EXOC1: variants seen among roughly 807,000 people sequenced by gnomAD.
The protein encoded by EXOC1 is exocyst complex component 1.
In EXOC1, 67 loss-of-function variants were observed where a neutral mutation model predicts 107.7. The ratio of observed to expected loss-of-function variants is 0.62; its 90% CI spans 0.51 to 0.76. The LOEUF (loss-of-function observed/expected upper bound fraction) is 0.76, where lower values mean the gene tolerates loss of function less well. Ranked by LOEUF, EXOC1 falls within the 30% of genes least tolerant of loss-of-function variation. The pLI, the probability that EXOC1 is intolerant of heterozygous loss-of-function variation, is 0.00. For missense variants in EXOC1, 833 were observed against 1,055.7 expected, an observed-to-expected ratio of 0.79 and a Z score of 2.92; for synonymous variants, 348 against 353.5, an observed-to-expected ratio of 0.98 and a Z score of 0.17.
At chr4:55,871,328 G>A in intron 7 of EXOC1, 95 bp downstream of exon 7, 1 of 1,422,930 alleles carries the variant, frequency 7.0e-7, no homozygotes, top group Non-Finnish European at 9.5e-7. Flanking sequence ...CATGAGACAA[G>A]TGGTTTAAGG....
rs149586673 is a variant in EXOC1, at chr4:55,891,374, A to G, written c.1599A>G (p.Ile533Met). 1.9e-6 allele frequency: 3 copies of G among 1,613,896 alleles called. No individual in the cohort carries two copies. The highest frequency in any genetic ancestry group is 1.3e-5 in the African/African-American group (1 of 74,928). ...TATGTCTGGCAGAACAGGACTTCAT[A>G]AGTAAATTTTTCAAACTACAGCAAC... The part of the protein sequence containing the change: ...EPLCLAEQDF[I>M]SKFFKLQQHQ... The change falls in exon 13 of 19, where the codon ATA becomes ATG. Residue 533 changes from isoleucine to methionine, a missense_variant. Physicochemically the swap from Ile to Met is conservative, Grantham distance 10. Around this residue, in one of 2 missense-constraint regions of EXOC1, gnomAD observed 617 missense variants for 701.3 expected, o/e 0.88. Transcript: ENST00000381295.
At chr4:55,875,721 A>G in intron 8 of EXOC1, 5 of 985,382 alleles carry the variant, frequency 5.1e-6, no homozygotes, top group East Asian at 1.1e-4. Flanking sequence ...CATTTGTATG[A>G]TATAAGTCTG....
intron 3 of EXOC1, among the ~76,000 whole-genome samples, chr4:55,863,239 A>G (rs1721643834): frequency 6.6e-6 from 1 of 152,072 alleles, no homozygotes; most frequent in Admixed American, 6.5e-5. Flanking sequence ...TATTCATTCA[A>G]GGGAGAAATA....
At chr4:55,886,944 C>A (rs901510494) in intron 10 of EXOC1, among the ~76,000 whole-genome samples, 1 of 152,072 alleles carries the variant, frequency 6.6e-6, no homozygotes, top group Non-Finnish European at 1.5e-5. Flanking sequence ...TGCTAACGTA[C>A]CAGGGAAGTA....
intron 4 of EXOC1, among the ~76,000 whole-genome samples, chr4:55,864,642 T>C (rs1721787623): frequency 6.6e-6 from 1 of 152,204 alleles, no homozygotes; most frequent in Admixed American, 6.5e-5. Context: ...CTTTTTCCTA[T>C]GCATAAACAC....
chr4:55,867,827 T>C (rs1722091590), intron 4 of EXOC1, among the ~76,000 whole-genome samples: 1 of 152,212 alleles, frequency 6.6e-6, no homozygotes, highest in South Asian at 2.1e-4. Context: ...TATAGATGCA[T>C]TTTTCATTTT....
In EXOC1 at chr4:55,890,374, C is replaced by A. The variant is rs746109453; in HGVS notation, c.1527C>A (p.Thr509=). 22 of 1,613,524 alleles carry A rather than the reference C, an allele frequency of 1.4e-5. No individual in the cohort carries two copies. In the South Asian group the frequency reaches 2.2e-4, roughly 16 times the overall value. ...CTGATCTCGATGTTGCTGACAGGAC[C>A]AAATTTGATAAGGTAAACTAAAATA... ...SASDLDVADR[T]KFDKIFEQVL... The change falls in exon 12 of 19, where the codon ACC becomes ACA. Residue 509 remains threonine, a synonymous_variant. Transcript: ENST00000381295.
At chr4:55,891,284 T>C in intron 12 of EXOC1, 31 bp from the exon 13 acceptor site, 2 of 1,407,044 alleles carry the variant, frequency 1.4e-6, no homozygotes, top group Non-Finnish European at 2.0e-6. Context: ...GTGCAGTTCT[T>C]TCGTTATAGG....
intron 10 of EXOC1, among the ~76,000 whole-genome samples, chr4:55,884,958 T>C (rs921533482): frequency 1.3e-5 from 2 of 152,218 alleles, no homozygotes; most frequent in Non-Finnish European, 2.9e-5. Context: ...ATGGTTTGAA[T>C]TTGTCTGTAA....
At chr4:55,878,809 C>A (rs1469288961) in intron 9 of EXOC1, among the ~76,000 whole-genome samples, 1 of 152,146 alleles carries the variant, frequency 6.6e-6, no homozygotes, top group African/African-American at 2.4e-5. Context: ...GCAGAAATTT[C>A]CTATTCTAGG....
At chr4:55,898,930 G>A (rs1389514299) in intron 16 of EXOC1, among the ~76,000 whole-genome samples, 1 of 152,012 alleles carries the variant, frequency 6.6e-6, no homozygotes, top group Admixed American at 6.5e-5. Flanking sequence ...TACTAGAAAT[G>A]GAATTACTGG....
chr4:55,882,127 T>G (rs1233351882), intron 9 of EXOC1, among the ~76,000 whole-genome samples: 1 of 152,052 alleles, frequency 6.6e-6, no homozygotes, highest in African/African-American at 2.4e-5. Context: ...GTATTGTGTT[T>G]TGTTTTGTTT....
intron 3 of EXOC1, among the ~76,000 whole-genome samples, chr4:55,862,979 C>T (rs1721613506): frequency 6.6e-6 from 1 of 152,136 alleles, no homozygotes; most frequent in Non-Finnish European, 1.5e-5. Flanking sequence ...TGGCTCACTG[C>T]AGCCTCCACC....
At chr4:55,899,625 T>G in intron 16 of EXOC1, 60 bp from the exon 17 acceptor site, 1 of 1,444,462 alleles carries the variant, frequency 6.9e-7, no homozygotes, top group South Asian at 1.3e-5. Flanking sequence ...GTATAAATGT[T>G]TATAGCTAAA....
At chr4:55,889,604 T>A (rs1195853413) in intron 11 of EXOC1, among the ~76,000 whole-genome samples, 1 of 152,186 alleles carries the variant, frequency 6.6e-6, no homozygotes, top group African/African-American at 2.4e-5. Context: ...TTTTTTCTGT[T>A]CATTTTATTT....
rs1197009925 is a variant in EXOC1, at chr4:55,899,879, CTAAATG to C, written c.2337+1_2337+6del. On this transcript the variant is annotated splice_donor_variant and coding_sequence_variant, in exon 17 of 19. Transcript: ENST00000381295. LOFTEE classifies it high-confidence loss of function. ...CTCTTTAGGACAACCTCTTGAAAAACTAAATGTAAATATATTTTCATTCAGTATTTT... is the reference window on the plus strand; with the variant it reads ...CTCTTTAGGACAACCTCTTGAAAAACTAAATATATTTTCATTCAGTATTTT... 1 of 1,602,516 alleles carries C rather than the reference CTAAATG, an allele frequency of 6.2e-7. No individual in the cohort carries two copies. The highest frequency in any genetic ancestry group is 1.3e-5 in the African/African-American group (1 of 74,472).
rs537355952 is a variant in EXOC1 at position 55,902,988 on chromosome 4, A to T, written c.2532+450A>T. The stretch of plus-strand genomic sequence containing the variant: ...CAAGACCTTGTCTCTACTAAAAATT[A>T]AAAAAATTAGCTGGGCATGGTGGCA... On this transcript the variant is annotated intron_variant, in intron 18 of 18. Coordinates refer to ENST00000381295, the MANE Select transcript of EXOC1 (RefSeq NM_001024924.2). 1.4e-3 allele frequency among the ~76,000 whole-genome samples: 213 copies of T among 151,848 alleles called. 1 individual carries two copies. Among genetic ancestry groups the T allele is most frequent in the African/African-American group, 4.8e-3 (200 of 41,418 alleles).
At chr4:55,861,682 A>G (rs941261978) in intron 3 of EXOC1, among the ~76,000 whole-genome samples, 2 of 152,234 alleles carry the variant, frequency 1.3e-5, no homozygotes, top group Admixed American at 6.5e-5. Flanking sequence ...ATGCTTAGAA[A>G]AATGTGAAAT....
Position 55,893,716 on chromosome 4 carries a change from C to T in EXOC1, c.1889C>T (p.Ser630Phe). ...ACTGCACAAAATGTGGACCCTGCTTCTTTCCTAAGTACTACATTGGGAAAT... is the reference window on the plus strand; with the variant it reads ...ACTGCACAAAATGTGGACCCTGCTTTTTTCCTAAGTACTACATTGGGAAAT... ...VWTAQNVDPA[S>F]FLSTTLGNVL... The change falls in exon 15 of 19, where the codon TCT (serine) becomes TTT (phenylalanine). Residue 630 changes from serine (S) to phenylalanine (F), a missense_variant. This residue lies in a region of EXOC1 where 216 missense variants were observed against 354.4 expected (regional missense o/e 0.61). Transcript: ENST00000381295. The T allele has an allele frequency of 6.2e-7, 1 of 1,614,150 alleles. No individual in the cohort carries two copies. Among genetic ancestry groups the T allele is most frequent in the Non-Finnish European group, 8.5e-7 (1 of 1,180,018 alleles).
Sources: gnomAD v4.1 joint callset for allele counts (sites outside exome capture counted in the v4.1 genomes callset) on GRCh38, gnomAD v4.1.1 for gene constraint, gnomAD v4.1.1 regional missense constraint, MANE v1.5 for transcripts, NCBI Gene and HGNC (gene_info 2026-07-23, HGNC 2026-07-21) for gene names.